SULF2: variants seen among roughly 807,000 people sequenced by gnomAD.
The protein encoded by SULF2 is sulfatase 2.
Under a neutral mutation model 107.7 loss-of-function variants are expected in SULF2, and 52 were observed. The observed-to-expected ratio is 0.48, with a 90% CI of 0.39 to 0.61. SULF2 has a LOEUF of 0.61. Among genes scored for constraint, SULF2 ranks in the 20% least tolerant of loss-of-function variants. The pLI is 0.00. For synonymous variants in SULF2, 460 were observed against 464.3 expected, an observed-to-expected ratio of 0.99 and a Z score of 0.12; for missense variants, 993 against 1,177.3, an observed-to-expected ratio of 0.84 and a Z score of 2.29.
chr20:47,659,730 C>T lies in SULF2; in HGVS notation c.2495G>A (p.Gly832Glu). ...CTCATAGCTTCCTCCATCTTTAAGT[C>T]CTAAATGAAGGAGAAATGAAAAACA... ...CNPRTRNMDL[G>E]LKDGGSYEQY... The change falls in exon 19 of 21, where the codon GGA becomes GAA. Residue 832 changes from glycine (G) to glutamate (E), a missense_variant and splice_region_variant. This residue lies in a region of SULF2 where 497 missense variants were observed against 544.1 expected (regional missense o/e 0.91). Coordinates refer to ENST00000688720, the MANE Select transcript of SULF2 (RefSeq NM_001387048.1). 6.2e-7 allele frequency: 1 copy of T among 1,612,568 alleles called. No individual in the cohort carries two copies. Among genetic ancestry groups the T allele is most frequent in the Non-Finnish European group, 8.5e-7 (1 of 1,178,978 alleles).
chr20:47,672,244 G>T lies in SULF2; in HGVS notation c.1530C>A (p.Asp510Glu). ...GGCGTCCGGCCAGGCTGAGCTTGTAGTCCCCGCTGTCACAGGTGCAGGCCT... is the reference window on the plus strand; with the variant it reads ...GGCGTCCGGCCAGGCTGAGCTTGTATTCCCCGCTGTCACAGGTGCAGGCCT... ...GSEACTCDSG[D>E]YKLSLAGRRK... The change falls in exon 11 of 21, where the codon GAC becomes GAA. Residue 510 changes from aspartate to glutamate, a missense_variant. Transcript: ENST00000688720. The T allele has an allele frequency of 6.2e-7, 1 of 1,613,084 alleles. No individual in the cohort carries two copies. The highest frequency in any genetic ancestry group is 1.1e-5 in the South Asian group (1 of 91,072).
In SULF2 at chr20:47,683,152, A is replaced by G; in HGVS notation, c.906T>C (p.Val302=). The part of the protein sequence containing the change: ...DSMETIYNML[V]ETGELDNTYI... ...ACGTGTTGTCCAGCTCGCCCGTCTC[A>G]ACCAGCATGTTGTAAATCTGCAACA... is the stretch of plus-strand genomic sequence containing the variant. Residue 302 remains valine, a synonymous_variant, in exon 7 of 21, where the codon GTT becomes GTC. Coordinates refer to ENST00000688720, the MANE Select transcript of SULF2 (RefSeq NM_001387048.1). 6.2e-7 allele frequency: 1 copy of G among 1,603,278 alleles called. No individual in the cohort carries two copies. The highest frequency in any genetic ancestry group is 8.5e-7 in the Non-Finnish European group (1 of 1,171,764).
intron 4 of SULF2, among the ~76,000 whole-genome samples, chr20:47,697,901 A>C (rs763546104): frequency 4.6e-5 from 7 of 152,230 alleles, no homozygotes; most frequent in Non-Finnish European, 7.3e-5. Context: ...GGATATTTAG[A>C]GAATCCGCCT....
At chr20:47,701,464 A>G (rs189572952) in intron 4 of SULF2, among the ~76,000 whole-genome samples, 1 of 152,346 alleles carries the variant, frequency 6.6e-6, no homozygotes, top group Admixed American at 6.5e-5. Context: ...ATCTTATGTT[A>G]AAAACAGAAA....
At chr20:47,783,183 T>G (rs1172506692) in intron 1 of SULF2, among the ~76,000 whole-genome samples, 2 of 152,098 alleles carry the variant, frequency 1.3e-5, no homozygotes, top group African/African-American at 2.4e-5. Context: ...ACTTAAGTGT[T>G]ACCAATTATC....
At chr20:47,710,320 G>A (rs1311754463) in intron 3 of SULF2, among the ~76,000 whole-genome samples, 5 of 151,026 alleles carry the variant, frequency 3.3e-5, no homozygotes, top group Admixed American at 1.3e-4. Flanking sequence ...ATACACGCAT[G>A]AGCCACCATG....
In SULF2 at chr20:47,678,668, G is replaced by A. The variant is rs758848185; in HGVS notation, c.1193+8C>T. 7.4e-6 allele frequency: 12 copies of A among 1,613,358 alleles called. No individual in the cohort carries two copies. The highest frequency in any genetic ancestry group is 2.2e-5 in the South Asian group (2 of 91,034). ...GCCCCCTCAACACCTGCCCTGCTCC[G>A]TCCTCACCGATTCACCGGCCGCTCC... On this transcript the variant is annotated splice_region_variant and intron_variant, in intron 8 of 20. Coordinates refer to ENST00000688720, the MANE Select transcript of SULF2 (RefSeq NM_001387048.1). The surrounding 1 kb of genome is among the most constrained non-coding windows in gnomAD (Gnocchi z 4.5).
chr20:47,674,855 C>T (rs993329223), intron 10 of SULF2, among the ~76,000 whole-genome samples: 6 of 152,128 alleles, frequency 3.9e-5, no homozygotes, highest in African/African-American at 1.4e-4. Flanking sequence ...CGGGGAGTAC[C>T]GGCTTGTGAG....
intron 4 of SULF2, among the ~76,000 whole-genome samples, chr20:47,700,416 T>TC (rs1165050469): frequency 6.6e-6 from 1 of 152,208 alleles, no homozygotes; most frequent in Non-Finnish European, 1.5e-5. Flanking sequence ...GTTGCCCTGA[T>TC]CTAAGCTACT....
chr20:47,744,459 G>A (rs896186613), intron 2 of SULF2, among the ~76,000 whole-genome samples: 2 of 152,152 alleles, frequency 1.3e-5, no homozygotes, highest in African/African-American at 4.8e-5. Context: ...AGGGCCACAG[G>A]TTTCTAGAAC....
intron 2 of SULF2, among the ~76,000 whole-genome samples, chr20:47,754,149 G>A (rs2090225484): frequency 6.6e-6 from 1 of 152,084 alleles, no homozygotes; most frequent in African/African-American, 2.4e-5. Flanking sequence ...TTGCAATTAG[G>A]AAACAGAACA....
intron 1 of SULF2, among the ~76,000 whole-genome samples, chr20:47,765,668 T>C (rs376501380): frequency 6.6e-6 from 1 of 152,196 alleles, no homozygotes; most frequent in Non-Finnish European, 1.5e-5. Flanking sequence ...TGTTCAGTGA[T>C]AGGAGAATCC....
chr20:47,728,991 G>A (rs918302492), intron 3 of SULF2, among the ~76,000 whole-genome samples: 1 of 152,228 alleles, frequency 6.6e-6, no homozygotes, highest in Non-Finnish European at 1.5e-5. Flanking sequence ...AGACAAATGG[G>A]CAGAATACAC....
intron 18 of SULF2, among the ~76,000 whole-genome samples, chr20:47,661,000 T>C (rs948027728): frequency 8.5e-5 from 13 of 152,150 alleles, no homozygotes; most frequent in African/African-American, 3.1e-4. Flanking sequence ...CTGGGCCATC[T>C]TCGCTGTTTT....
intron 1 of SULF2, among the ~76,000 whole-genome samples, chr20:47,772,272 C>T (rs2090644973): frequency 6.6e-6 from 1 of 152,218 alleles, no homozygotes; most frequent in Non-Finnish European, 1.5e-5. Flanking sequence ...CGATGGGGGA[C>T]TGTGCTGTGT....
chr20:47,756,256 T>C (rs1426451995), intron 2 of SULF2, among the ~76,000 whole-genome samples: 1 of 152,138 alleles, frequency 6.6e-6, no homozygotes, highest in Non-Finnish European at 1.5e-5. Flanking sequence ...AGTTATCAAA[T>C]GCGCCTCATT....
At chr20:47,746,350 T>A (rs982739626) in intron 2 of SULF2, among the ~76,000 whole-genome samples, 6 of 152,060 alleles carry the variant, frequency 3.9e-5, no homozygotes, top group Non-Finnish European at 8.8e-5. Flanking sequence ...AAGAGGGCTA[T>A]GAGGTCGAGC....
intron 2 of SULF2, among the ~76,000 whole-genome samples, chr20:47,745,424 T>A (rs866727647): frequency 0.083 from 401 of 4,858 alleles, 20 homozygotes; most frequent in African/African-American, 0.26. Flanking sequence ...TATATATATA[T>A]ATATATATAT....
At chr20:47,781,417 G>A (rs1004871437) in intron 1 of SULF2, among the ~76,000 whole-genome samples, 4 of 152,234 alleles carry the variant, frequency 2.6e-5, no homozygotes, top group African/African-American at 9.6e-5. Flanking sequence ...CCAGGGAGAG[G>A]CCTGTGAGCC....
Sources: gnomAD v4.1 joint callset for allele counts (sites outside exome capture counted in the v4.1 genomes callset) on GRCh38, gnomAD v4.1.1 for gene constraint, gnomAD v4.1.1 regional missense constraint, Gnocchi (gnomAD v3.1) non-coding constraint, MANE v1.5 for transcripts, NCBI Gene and HGNC (gene_info 2026-07-23, HGNC 2026-07-21) for gene names.